The following CAST variants were observed in gnomAD, a reference collection of about 807,000 sequenced individuals.
The protein encoded by CAST is MIR583 host.
In CAST, 76 loss-of-function variants were observed where a neutral mutation model predicts 119.6. That is an observed-to-expected ratio of 0.64 (90% CI 0.53 to 0.77). CAST has a LOEUF of 0.77. CAST is among the 30% of genes least tolerant of loss of function. The pLI, the probability that CAST is intolerant of heterozygous loss-of-function variation, is 0.00. For missense variants in CAST, 953 were observed against 946.5 expected (o/e 1.01, Z -0.09); for synonymous variants, 319 against 331.6 (o/e 0.96, Z 0.41).
At chr5:96,043,196 G>A in the CAST span, among the ~76,000 whole-genome samples, 5 of 152,168 alleles carry the variant, frequency 3.3e-5, no homozygotes, top group Admixed American at 6.5e-5. Context: ...GGCAGATCAT[G>A]TGTTCAAAAT....
the CAST span, among the ~76,000 whole-genome samples, chr5:96,327,849 C>T: frequency 1.3e-4 from 20 of 152,238 alleles, no homozygotes. Flanking sequence ...ATAACACTCA[C>T]TCTGTTGATC....
At chr5:96,264,504 A>G in the CAST span, among the ~76,000 whole-genome samples, 1 of 152,176 alleles carries the variant, frequency 6.6e-6, no homozygotes, top group Non-Finnish European at 1.5e-5. Context: ...GTTTGTGGGA[A>G]TGACATTTTC....
the CAST span, among the ~76,000 whole-genome samples, chr5:96,246,689 C>T: frequency 6.6e-6 from 1 of 152,126 alleles, no homozygotes; most frequent in African/African-American, 2.4e-5. Flanking sequence ...TTTAAGTCTC[C>T]TTTCCTCCCC....
At chr5:96,293,214 G>A in the CAST span, among the ~76,000 whole-genome samples, 49,349 of 152,074 alleles carry the variant, frequency 0.32, 8,349 homozygotes, top group Admixed American at 0.41. Context: ...GTGGTTCTTA[G>A]TTCTTGAGCC....
the CAST span, among the ~76,000 whole-genome samples, chr5:96,251,875 A>C: frequency 6.6e-6 from 1 of 152,302 alleles, no homozygotes; most frequent in South Asian, 2.1e-4. Flanking sequence ...AATGCTGACA[A>C]TTAACATCAC....
At chr5:96,447,478 C>A in the CAST span, among the ~76,000 whole-genome samples, 1 of 152,138 alleles carries the variant, frequency 6.6e-6, no homozygotes, top group African/African-American at 2.4e-5. Context: ...ACATACACAC[C>A]CATCCACACA....
At chr5:95,970,054 T>C in the CAST span, among the ~76,000 whole-genome samples, 1 of 152,250 alleles carries the variant, frequency 6.6e-6, no homozygotes, top group South Asian at 2.1e-4. Flanking sequence ...GATGTTTGCA[T>C]GTATCCCTGT....
chr5:96,617,697 C>A (rs1747492748), intron 1 of CAST, among the ~76,000 whole-genome samples: 2 of 143,678 alleles, frequency 1.4e-5, no homozygotes, highest in African/African-American at 2.6e-5. Flanking sequence ...GAGGCTGAGG[C>A]AGGATAATGG....
chr5:96,749,110 AT>A (rs1479511636), intron 19 of CAST, among the ~76,000 whole-genome samples: 3 of 152,204 alleles, frequency 2.0e-5, no homozygotes, highest in Admixed American at 6.5e-5. Context: ...AACAATAAGT[AT>A]GTGTGCATCC....
chr5:96,751,040 A>G (rs1244251351), intron 20 of CAST, among the ~76,000 whole-genome samples: 2 of 152,122 alleles, frequency 1.3e-5, no homozygotes, highest in East Asian at 3.9e-4. Context: ...TGGTAGAATA[A>G]CATGCAGTAA....
the CAST span, among the ~76,000 whole-genome samples, chr5:96,476,049 G>A: frequency 6.6e-6 from 1 of 152,160 alleles, no homozygotes; most frequent in Non-Finnish European, 1.5e-5. Context: ...TCCAAAAGCG[G>A]CCGTTGAGGC....
the CAST span, among the ~76,000 whole-genome samples, chr5:96,211,958 G>A: frequency 6.6e-6 from 1 of 152,008 alleles, no homozygotes; most frequent in Non-Finnish European, 1.5e-5. Flanking sequence ...TTTAATATCT[G>A]CAGGATCTGT....
chr5:96,089,016 A>T, the CAST span, among the ~76,000 whole-genome samples: 3 of 149,612 alleles, frequency 2.0e-5, no homozygotes, highest in Non-Finnish European at 4.4e-5. Flanking sequence ...CTAATTGGGG[A>T]TCAGATGCTT....
chr5:96,232,663 A>G, the CAST span, among the ~76,000 whole-genome samples: 4 of 152,154 alleles, frequency 2.6e-5, no homozygotes, highest in African/African-American at 9.6e-5. Context: ...ATTGAGGGGG[A>G]TAGTTGGGGC....
chr5:96,674,254 C>T (rs1312407735), intron 1 of CAST, among the ~76,000 whole-genome samples: 1 of 151,476 alleles, frequency 6.6e-6, no homozygotes, highest in African/African-American at 2.4e-5. Context: ...ACAACATGAG[C>T]TTCTTTTTTG....
At chr5:96,666,999 C>T (rs1749424840) in intron 1 of CAST, among the ~76,000 whole-genome samples, 1 of 152,122 alleles carries the variant, frequency 6.6e-6, no homozygotes, top group Non-Finnish European at 1.5e-5. Context: ...TGAGTTGTCT[C>T]ATTTTCCTTT....
chr5:96,687,463 T>C (rs901538464), intron 2 of CAST, among the ~76,000 whole-genome samples: 16 of 152,230 alleles, frequency 1.1e-4, no homozygotes, highest in African/African-American at 3.9e-4. Flanking sequence ...AATTCATTTA[T>C]TAATTAAGAA....
chr5:96,426,616 T>C, the CAST span, among the ~76,000 whole-genome samples: 3,746 of 152,302 alleles, frequency 0.025, 148 homozygotes, highest in African/African-American at 0.086. Flanking sequence ...ATAATACTAT[T>C]ATACTTGAAG....
intron 3 of CAST, among the ~76,000 whole-genome samples, chr5:96,696,508 G>A (rs1753309756): frequency 1.3e-5 from 2 of 151,854 alleles, no homozygotes; most frequent in Admixed American, 6.6e-5. Context: ...TCAAAGTTTT[G>A]CAACTTATAA....
Sources: gnomAD v4.1 joint callset for allele counts (sites outside exome capture counted in the v4.1 genomes callset) on GRCh38, gnomAD v4.1.1 for gene constraint, MANE v1.5 for transcripts, NCBI Gene and HGNC (gene_info 2026-07-23, HGNC 2026-07-21) for gene names.